The following ZNF516 variants were observed in gnomAD, a reference collection of about 807,000 sequenced individuals.
ZNF516 encodes zinc finger protein 516.
A neutral mutation model predicts 79.7 loss-of-function variants in ZNF516; 19 were observed. The observed-to-expected ratio is 0.24, with a 90% confidence interval of 0.17 to 0.35. The LOEUF is 0.35. Ranked by LOEUF, ZNF516 falls within the 10% of genes least tolerant of loss-of-function variation. The pLI is 1.00. For missense variants in ZNF516, 1,678 were observed against 1,679.5 expected, an observed-to-expected ratio of 1.00 and a Z score of 0.02; for synonymous variants, 877 against 739.5, an observed-to-expected ratio of 1.19 and a Z score of -3.02.
At chr18:76,492,148 T>C (rs1915266920) in intron 1 of ZNF516, 1 of 985,306 alleles carries the variant, frequency 1.0e-6, no homozygotes, top group Non-Finnish European at 1.2e-6. Flanking sequence ...ACCTCTCCAT[T>C]GCATCATCCC....
rs767207487 is a variant in ZNF516, at chr18:76,442,043, C to A, written c.1012G>T (p.Ala338Ser). The change falls in exon 3 of 7, where the codon GCC (alanine) becomes TCC (serine). Residue 338 changes from alanine (A) to serine (S), a missense_variant. Coordinates refer to ENST00000443185, the MANE Select transcript of ZNF516 (RefSeq NM_014643.4). Reference protein sequence around the residue: ...VAGLSLYEVCAKCGNLFTNLD... With the variant: ...VAGLSLYEVCSKCGNLFTNLD... ...TTTGTAAACAGGTTCCCGCACTTGG[C>A]GCAGACCTCGTAGAGGCTCAGGCCG... The A allele has an allele frequency of 2.5e-6, 4 of 1,613,866 alleles. No individual in the cohort carries two copies. Among genetic ancestry groups the A allele is most frequent in the Middle Eastern group, 1.6e-4 (1 of 6,084 alleles).
chr18:76,375,524 A>G (rs909975256), intron 4 of ZNF516, among the ~76,000 whole-genome samples: 9 of 151,636 alleles, frequency 5.9e-5, no homozygotes, highest in African/African-American at 1.7e-4. Context: ...ATGGACGCAG[A>G]AGGTCCTGGA....
intron 3 of ZNF516, among the ~76,000 whole-genome samples, chr18:76,407,010 T>C (rs2075312797): frequency 6.6e-6 from 1 of 152,198 alleles, no homozygotes; most frequent in Non-Finnish European, 1.5e-5. Flanking sequence ...GGGTGAGACC[T>C]CGCCCAGACA....
At chr18:76,460,794 A>G (rs1390621773) in intron 2 of ZNF516, among the ~76,000 whole-genome samples, 3 of 152,234 alleles carry the variant, frequency 2.0e-5, no homozygotes, top group Admixed American at 1.3e-4. Flanking sequence ...CAAAACTCCC[A>G]AACCGGAGAA....
At chr18:76,450,290 G>A (rs1346767249) in intron 2 of ZNF516, among the ~76,000 whole-genome samples, 3 of 150,796 alleles carry the variant, frequency 2.0e-5, no homozygotes, top group Non-Finnish European at 4.4e-5. Flanking sequence ...TAACACAAAA[G>A]CAAAGCAGCT....
intron 1 of ZNF516, among the ~76,000 whole-genome samples, chr18:76,489,851 A>G (rs1174881342): frequency 6.6e-6 from 1 of 152,218 alleles, no homozygotes; most frequent in Non-Finnish European, 1.5e-5. Context: ...AAATAGGCAT[A>G]ACTCCCATCT....
At chr18:76,423,950 C>A (rs2075550962) in intron 3 of ZNF516, among the ~76,000 whole-genome samples, 1 of 134,834 alleles carries the variant, frequency 7.4e-6, no homozygotes, top group Non-Finnish European at 1.6e-5. Context: ...AAAGGCTCCC[C>A]CGAAACACAC....
intron 1 of ZNF516, among the ~76,000 whole-genome samples, chr18:76,488,398 T>C (rs191990540): frequency 5.6e-4 from 85 of 152,050 alleles, no homozygotes; most frequent in African/African-American, 2.0e-3. Context: ...GAAGCAAGGA[T>C]GTGCAAAGGA....
chr18:76,417,717 C>T (rs567212916), intron 3 of ZNF516, among the ~76,000 whole-genome samples: 1 of 152,308 alleles, frequency 6.6e-6, no homozygotes, highest in African/African-American at 2.4e-5. Flanking sequence ...TCAACATTTT[C>T]TTACTATTCC....
intron 3 of ZNF516, among the ~76,000 whole-genome samples, chr18:76,395,915 C>T (rs1409044339): frequency 6.6e-6 from 1 of 152,186 alleles, no homozygotes; most frequent in Non-Finnish European, 1.5e-5. Context: ...CGAGCTTCAC[C>T]GTCCGGAAGT....
intron 2 of ZNF516, among the ~76,000 whole-genome samples, chr18:76,443,445 T>A (rs1911855383): frequency 6.6e-6 from 1 of 152,230 alleles, no homozygotes; most frequent in Non-Finnish European, 1.5e-5. Context: ...TGTTAATGAT[T>A]GTGCACCAAA....
intron 2 of ZNF516, among the ~76,000 whole-genome samples, chr18:76,448,548 A>G (rs1184275092): frequency 1.3e-5 from 2 of 152,216 alleles, no homozygotes; most frequent in Admixed American, 1.3e-4. Flanking sequence ...AAGCCTTGAT[A>G]CAACACATAC....
chr18:76,431,922 C>T (rs2075666565), intron 3 of ZNF516, among the ~76,000 whole-genome samples: 1 of 152,198 alleles, frequency 6.6e-6, no homozygotes, highest in Non-Finnish European at 1.5e-5. Context: ...CCAGCAGTGC[C>T]CCATGCATTC....
chr18:76,429,670 C>A (rs568517104), intron 3 of ZNF516, among the ~76,000 whole-genome samples: 1 of 152,158 alleles, frequency 6.6e-6, no homozygotes, highest in Non-Finnish European at 1.5e-5. Context: ...AGGAAACTTC[C>A]ACAACCACCA....
At chr18:76,382,698 G>A (rs2074913173) in intron 3 of ZNF516, among the ~76,000 whole-genome samples, 1 of 152,126 alleles carries the variant, frequency 6.6e-6, no homozygotes, top group African/African-American at 2.4e-5. Context: ...ATCACTTGGG[G>A]CCAGGAGTTC....
chr18:76,406,911 C>G (rs1425378241), intron 3 of ZNF516, among the ~76,000 whole-genome samples: 9 of 152,126 alleles, frequency 5.9e-5, no homozygotes, highest in Admixed American at 5.9e-4. Context: ...ATCTCAGTGT[C>G]CCCTGCCAGG....
intron 4 of ZNF516, among the ~76,000 whole-genome samples, chr18:76,372,096 C>A (rs1026541117): frequency 2.0e-5 from 3 of 152,216 alleles, no homozygotes; most frequent in Non-Finnish European, 4.4e-5. Flanking sequence ...GAGGCCCCGG[C>A]CCCCAGAAGG....
intron 2 of ZNF516, among the ~76,000 whole-genome samples, chr18:76,448,641 G>A (rs548015786): frequency 5.1e-4 from 78 of 152,274 alleles, no homozygotes; most frequent in Admixed American, 4.8e-3. Context: ...CCACATCCCC[G>A]AGGAACTTCA....
At chr18:76,488,456 G>A (rs536761905) in intron 1 of ZNF516, among the ~76,000 whole-genome samples, 4 of 146,070 alleles carry the variant, frequency 2.7e-5, no homozygotes, top group South Asian at 2.1e-4. Flanking sequence ...ACAAACCCAC[G>A]GGTATTCCTT....
Sources: gnomAD v4.1 joint callset for allele counts (sites outside exome capture counted in the v4.1 genomes callset) on GRCh38, gnomAD v4.1.1 for gene constraint, MANE v1.5 for transcripts, NCBI Gene and HGNC (gene_info 2026-07-23, HGNC 2026-07-21) for gene names.